Variants in KCND3 observed in about 807,000 individuals in gnomAD.
KCND3 encodes A-type voltage-gated potassium channel KCND3.
In KCND3, 9 loss-of-function variants were observed where a neutral mutation model predicts 51.1. The observed-to-expected ratio is 0.18, with a 90% CI of 0.11 to 0.31. KCND3 has a LOEUF of 0.31. Ranked by LOEUF, KCND3 falls within the 10% of genes least tolerant of loss-of-function variation. The pLI, the probability that KCND3 is intolerant of heterozygous loss-of-function variation, is 1.00. For missense variants in KCND3, 526 were observed against 903.8 expected (o/e 0.58, Z 5.36); for synonymous variants, 349 against 368.0 (o/e 0.95, Z 0.59).
chr1:111,828,008 G>C (rs908208507), intron 2 of KCND3, among the ~76,000 whole-genome samples: 1 of 152,200 alleles, frequency 6.6e-6, no homozygotes, highest in African/African-American at 2.4e-5. Flanking sequence ...AATGAAAACT[G>C]GTACTTGCTA....
At chr1:111,926,922 C>G (rs1464065489) in intron 2 of KCND3, among the ~76,000 whole-genome samples, 4 of 152,096 alleles carry the variant, frequency 2.6e-5, no homozygotes, top group Admixed American at 2.0e-4. Flanking sequence ...GTCCTTTTTT[C>G]TTTTTTTTCT....
At chr1:111,937,726 G>A (rs1451652777) in intron 2 of KCND3, among the ~76,000 whole-genome samples, 1 of 152,164 alleles carries the variant, frequency 6.6e-6, no homozygotes, top group African/African-American at 2.4e-5. Context: ...GAATGGCCAA[G>A]GAAAAGGGGA....
chr1:111,843,923 G>A lies in KCND3; in HGVS notation c.1107-56817C>T, dbSNP rs187361175. 6.0e-4 allele frequency among the ~76,000 whole-genome samples: 92 copies of A among 152,240 alleles called. 1 individual carries two copies. The highest frequency in any genetic ancestry group is 5.7e-3 in the Admixed American group (87 of 15,294). ...AGGTTTTATGTTCTCTGGGACTTTG[G>A]CTCACGCTGAGAGTGACAGTAAACA... is the stretch of plus-strand genomic sequence containing the variant. On this transcript the variant is annotated intron_variant, in intron 2 of 7. Transcript: ENST00000302127.
At chr1:111,932,554 C>A (rs1388193252) in intron 2 of KCND3, among the ~76,000 whole-genome samples, 1 of 152,212 alleles carries the variant, frequency 6.6e-6, no homozygotes, top group Admixed American at 6.5e-5. Context: ...CAGCTCCTGG[C>A]AGCCACCATT....
chr1:111,889,052 AG>A (rs1246706046), intron 2 of KCND3, among the ~76,000 whole-genome samples: 1 of 152,154 alleles, frequency 6.6e-6, no homozygotes, highest in Non-Finnish European at 1.5e-5. Flanking sequence ...TCTTTAGATC[AG>A]GGTTTTGTGT....
chr1:111,939,625 T>C (rs1018157012), intron 2 of KCND3, among the ~76,000 whole-genome samples: 3 of 152,244 alleles, frequency 2.0e-5, no homozygotes, highest in Non-Finnish European at 2.9e-5. Context: ...CAGTCTATCA[T>C]TGATGGGCAT....
chr1:111,964,050 A>G (rs1427149533), intron 2 of KCND3, among the ~76,000 whole-genome samples: 1 of 152,126 alleles, frequency 6.6e-6, no homozygotes, highest in Non-Finnish European at 1.5e-5. Context: ...AGGGTCTCTG[A>G]ATTGCTTTCT....
Position 111,777,036 on chromosome 1 carries a change from G to C in KCND3, c.1756C>G (p.Leu586Val), listed in dbSNP as rs778053688. 69 of 1,613,380 alleles carry C rather than the reference G, an allele frequency of 4.3e-5. No individual in the cohort carries two copies. Among genetic ancestry groups the C allele is most frequent in the Admixed American group, 1.0e-4 (6 of 59,992 alleles). The change falls in exon 7 of 8, where the codon CTC (leucine) becomes GTC (valine). Residue 586 changes from leucine (L) to valine (V), a missense_variant. Around this residue, in one of 5 missense-constraint regions of KCND3, gnomAD observed 266 missense variants for 305.5 expected, o/e 0.87. Transcript: ENST00000302127. The part of the protein sequence containing the change: ...IHIQGSEQPS[L>V]TTSRSSLNLK... ...ATGGAAGCCACCCACCTGGTTGTGAGGGAGGGCTGCTCACTGCCCTGGATG... is the reference window on the plus strand; with the variant it reads ...ATGGAAGCCACCCACCTGGTTGTGACGGAGGGCTGCTCACTGCCCTGGATG...
intron 2 of KCND3, among the ~76,000 whole-genome samples, chr1:111,878,419 G>A (rs1669154602): frequency 6.6e-6 from 1 of 152,204 alleles, no homozygotes; most frequent in South Asian, 2.1e-4. Context: ...CTCCTGTCCA[G>A]GGCACCTGCT....
chr1:111,927,103 TG>T (rs1458789441), intron 2 of KCND3, among the ~76,000 whole-genome samples: 1 of 152,218 alleles, frequency 6.6e-6, no homozygotes. Flanking sequence ...TCTCCCCATT[TG>T]CTAGCTAAGG....
At chr1:111,810,041 G>T (rs149320532) in intron 2 of KCND3, among the ~76,000 whole-genome samples, 1,738 of 152,306 alleles carry the variant, frequency 0.011, 11 homozygotes, top group Non-Finnish European at 0.014. Context: ...ATGTGGACAG[G>T]ATATTACTGA....
At chr1:111,906,835 C>T (rs1172471254) in intron 2 of KCND3, among the ~76,000 whole-genome samples, 1 of 152,208 alleles carries the variant, frequency 6.6e-6, no homozygotes, top group Non-Finnish European at 1.5e-5. Context: ...GAAACAGCTG[C>T]CCACTGCTTC....
At chr1:111,886,789 G>A (rs1335081022) in intron 2 of KCND3, among the ~76,000 whole-genome samples, 1 of 152,206 alleles carries the variant, frequency 6.6e-6, no homozygotes, top group African/African-American at 2.4e-5. Flanking sequence ...AAGCAAACAT[G>A]CCTGAGGTGA....
At chr1:111,949,236 G>A (rs1251068769) in intron 2 of KCND3, among the ~76,000 whole-genome samples, 7 of 152,308 alleles carry the variant, frequency 4.6e-5, no homozygotes, top group East Asian at 1.9e-4. Flanking sequence ...GTGGATCTCC[G>A]GGTGCCTTGG....
chr1:111,905,370 C>T (rs1217087370), intron 2 of KCND3, among the ~76,000 whole-genome samples: 1 of 152,134 alleles, frequency 6.6e-6, no homozygotes, highest in Non-Finnish European at 1.5e-5. Flanking sequence ...TCACCACAGC[C>T]CTGTGAGGAA....
intron 2 of KCND3, among the ~76,000 whole-genome samples, chr1:111,815,483 G>A (rs1470290695): frequency 6.7e-6 from 1 of 150,180 alleles, no homozygotes; most frequent in Non-Finnish European, 1.5e-5. Context: ...TATCTGATCA[G>A]CCTTGGTATC....
At chr1:111,884,385 C>T (rs757706240) in intron 2 of KCND3, among the ~76,000 whole-genome samples, 3 of 152,206 alleles carry the variant, frequency 2.0e-5, no homozygotes, top group Non-Finnish European at 4.4e-5. Context: ...GAGAGCTGCC[C>T]TGCTGTGCCT....
rs145420311 is a variant in KCND3, at chr1:111,946,551, C to T, written c.1106+35070G>A. Among the ~76,000 whole-genome samples the T allele has an allele frequency of 1.1e-3, 168 of 152,306 alleles. 1 individual carries two copies. Among genetic ancestry groups the T allele is most frequent in the African/African-American group, 3.8e-3 (160 of 41,564 alleles). On this transcript the variant is annotated intron_variant, in intron 2 of 7. Transcript: ENST00000302127. ...TCAAAGCCTCCAGCCCCAGGGCCTG[C>T]CAGGATCACTCCCAAGTCTCCAGAC...
chr1:111,950,581 A>G (rs1215677449), intron 2 of KCND3, among the ~76,000 whole-genome samples: 6 of 152,244 alleles, frequency 3.9e-5, no homozygotes, highest in African/African-American at 9.6e-5. Context: ...CAGGAATGCA[A>G]AATAAGAATG....
Sources: allele counts gnomAD v4.1 joint callset (sites outside exome capture counted in the v4.1 genomes callset), GRCh38; gene constraint gnomAD v4.1.1; regional missense constraint gnomAD v4.1.1; transcripts MANE v1.5; gene names NCBI Gene and HGNC (gene_info 2026-07-23, HGNC 2026-07-21).